The following RGS17 variants were observed in gnomAD, a reference collection of about 807,000 sequenced individuals.
The protein encoded by RGS17 is regulator of G protein signaling 17, also known as regulator of G-protein signaling 17.
A neutral mutation model predicts 25.5 loss-of-function variants in RGS17; 12 were observed. The observed-to-expected ratio is 0.47, with a 90% confidence interval of 0.30 to 0.76. RGS17 has a LOEUF of 0.76. Ranked by LOEUF, RGS17 falls within the 30% of genes least tolerant of loss-of-function variation. The probability of loss-of-function intolerance (pLI) is 0.07; values close to 1 mark genes in which losing one functional copy is unlikely to be tolerated. For missense variants in RGS17, 196 were observed against 242.2 expected (o/e 0.81, Z 1.27); for synonymous variants, 71 against 76.9 (o/e 0.92, Z 0.40).
chr6:153,090,449 GA>G (rs1215269696), intron 1 of RGS17, among the ~76,000 whole-genome samples: 3,180 of 83,256 alleles, frequency 0.038, 94 homozygotes, highest in African/African-American at 0.11. Flanking sequence ...CATCTCTACT[GA>G]AAAAAAAAAA....
At chr6:153,040,120 G>A (rs1194437514) in intron 2 of RGS17, among the ~76,000 whole-genome samples, 3 of 103,290 alleles carry the variant, frequency 2.9e-5, no homozygotes, top group Non-Finnish European at 5.9e-5. Context: ...ACATCCTCCT[G>A]TTTTCTCTTC....
chr6:153,115,683 GGCT>G (rs1777534093), intron 1 of RGS17, among the ~76,000 whole-genome samples: 1 of 152,038 alleles, frequency 6.6e-6, no homozygotes, highest in Admixed American at 6.6e-5. Context: ...TATACTACAA[GGCT>G]ACAGTAACAA....
At chr6:153,031,637 T>C (rs570256247) in intron 2 of RGS17, among the ~76,000 whole-genome samples, 1 of 152,342 alleles carries the variant, frequency 6.6e-6, no homozygotes, top group South Asian at 2.1e-4. Flanking sequence ...CTCAGGCTCA[T>C]TTTCACTCTG....
intron 1 of RGS17, among the ~76,000 whole-genome samples, chr6:153,070,389 G>A (rs1776769862): frequency 6.6e-6 from 1 of 151,986 alleles, no homozygotes; most frequent in Admixed American, 6.6e-5. Flanking sequence ...TCAGATAAAG[G>A]AGGCACAACA....
At chr6:153,125,955 A>G (rs1777698320) in intron 1 of RGS17, among the ~76,000 whole-genome samples, 1 of 152,270 alleles carries the variant, frequency 6.6e-6, no homozygotes, top group African/African-American at 2.4e-5. Context: ...GTCAAAAGTT[A>G]TAGAACTTAA....
chr6:153,089,912 T>C (rs866452630), intron 1 of RGS17, among the ~76,000 whole-genome samples: 2 of 152,210 alleles, frequency 1.3e-5, no homozygotes, highest in Non-Finnish European at 2.9e-5. Flanking sequence ...ACATAAAAGA[T>C]AAACTGTTAA....
intron 1 of RGS17, among the ~76,000 whole-genome samples, chr6:153,045,711 T>C (rs564210318): frequency 4.6e-5 from 7 of 152,336 alleles, no homozygotes; most frequent in African/African-American, 7.2e-5. Flanking sequence ...ATTAGGAGAT[T>C]AATATATTCC....
chr6:153,022,572 C>T (rs1168268133), intron 4 of RGS17, among the ~76,000 whole-genome samples: 1 of 152,124 alleles, frequency 6.6e-6, no homozygotes, highest in Non-Finnish European at 1.5e-5. Context: ...TTTAAGATGT[C>T]ACATCTTACA....
At chr6:153,063,799 A>G (rs1447277010) in intron 1 of RGS17, among the ~76,000 whole-genome samples, 1 of 152,208 alleles carries the variant, frequency 6.6e-6, no homozygotes, top group Non-Finnish European at 1.5e-5. Flanking sequence ...GGATTTAATA[A>G]ATAAATTCCC....
At chr6:153,012,987 G>C (rs1779149398) in intron 4 of RGS17, among the ~76,000 whole-genome samples, 1 of 152,200 alleles carries the variant, frequency 6.6e-6, no homozygotes, top group African/African-American at 2.4e-5. Flanking sequence ...TTTGTTGGGA[G>C]ATGGCAATCC....
chr6:153,056,428 T>C (rs80225455), intron 1 of RGS17, among the ~76,000 whole-genome samples: 9 of 152,178 alleles, frequency 5.9e-5, no homozygotes, highest in Non-Finnish European at 1.3e-4. Context: ...GATTAACGAA[T>C]AGAAGCAATA....
At chr6:153,089,958 A>T (rs996428242) in intron 1 of RGS17, among the ~76,000 whole-genome samples, 2 of 152,182 alleles carry the variant, frequency 1.3e-5, no homozygotes, top group African/African-American at 4.8e-5. Flanking sequence ...TAGTCCACAT[A>T]ATCATTAGCA....
At chr6:153,116,780 TGGA>T (rs1005937248) in intron 1 of RGS17, among the ~76,000 whole-genome samples, 89 of 152,200 alleles carry the variant, frequency 5.8e-4, no homozygotes, top group African/African-American at 2.0e-3. Context: ...TGCAGGGACA[TGGA>T]TGAAGCTAGA....
chr6:153,018,754 A>G (rs1361892136), intron 4 of RGS17, among the ~76,000 whole-genome samples: 2 of 152,206 alleles, frequency 1.3e-5, no homozygotes, highest in Admixed American at 6.5e-5. Flanking sequence ...CTTGTTTATC[A>G]TCATATCCCC....
chr6:153,040,189 G>A (rs1776304566), intron 2 of RGS17, among the ~76,000 whole-genome samples: 1 of 152,172 alleles, frequency 6.6e-6, no homozygotes, highest in African/African-American at 2.4e-5. Context: ...GACGTGGGGG[G>A]AGAAAGTGCC....
intron 1 of RGS17, among the ~76,000 whole-genome samples, chr6:153,099,579 T>C (rs1466665874): frequency 6.6e-6 from 1 of 152,192 alleles, no homozygotes; most frequent in Non-Finnish European, 1.5e-5. Context: ...TCTCCCTTGC[T>C]GGAATCTGAG....
chr6:153,016,082 G>A (rs920649841), intron 4 of RGS17, among the ~76,000 whole-genome samples: 1 of 152,166 alleles, frequency 6.6e-6, no homozygotes, highest in Non-Finnish European at 1.5e-5. Context: ...ACATTACTTG[G>A]CTGAACTACA....
intron 1 of RGS17, among the ~76,000 whole-genome samples, chr6:153,097,728 G>A (rs1171220822): frequency 1.3e-5 from 2 of 152,072 alleles, no homozygotes; most frequent in Non-Finnish European, 2.9e-5. Flanking sequence ...AACTCTAGGA[G>A]GGATCTCTGA....
intron 1 of RGS17, among the ~76,000 whole-genome samples, chr6:153,075,409 G>A (rs1467497190): frequency 6.6e-6 from 1 of 152,172 alleles, no homozygotes; most frequent in Non-Finnish European, 1.5e-5. Context: ...ACTGGCTTCT[G>A]TGGGAGGCTG....
Sources: gnomAD v4.1 joint callset for allele counts (sites outside exome capture counted in the v4.1 genomes callset) on GRCh38, gnomAD v4.1.1 for gene constraint, MANE v1.5 for transcripts, NCBI Gene and HGNC (gene_info 2026-07-23, HGNC 2026-07-21) for gene names.